SEMA5B: variants seen among roughly 807,000 people sequenced by gnomAD.
The protein encoded by SEMA5B is semaphorin 5B, also known as semaphorin-5B.
A neutral mutation model predicts 135.0 loss-of-function variants in SEMA5B; 66 were observed. That is an observed-to-expected ratio of 0.49 (90% CI 0.40 to 0.60). The LOEUF is 0.60. Ranked by LOEUF, SEMA5B falls within the 20% of genes least tolerant of loss-of-function variation. SEMA5B has a pLI of 0.00. For synonymous variants in SEMA5B, 690 were observed against 639.5 expected (o/e 1.08, Z -1.19); for missense variants, 1,501 against 1,566.3 (o/e 0.96, Z 0.70).
intron 2 of SEMA5B, among the ~76,000 whole-genome samples, chr3:122,949,436 C>T (rs199865393): frequency 6.6e-6 from 1 of 152,240 alleles, no homozygotes; most frequent in African/African-American, 2.4e-5. Flanking sequence ...TAACAGACTC[C>T]ATCTTGCTTC....
chr3:122,943,880 C>G (rs936552278), intron 3 of SEMA5B, among the ~76,000 whole-genome samples: 1 of 152,170 alleles, frequency 6.6e-6, no homozygotes, highest in Non-Finnish European at 1.5e-5. Flanking sequence ...CCTCTGAAAT[C>G]CATCCACTTT....
chr3:122,964,835 A>G (rs558564308), intron 1 of SEMA5B, among the ~76,000 whole-genome samples: 1 of 152,372 alleles, frequency 6.6e-6, no homozygotes, highest in African/African-American at 2.4e-5. Flanking sequence ...TCAGGGTGAC[A>G]GAGCCATTAA....
At position 122,951,890 on chromosome 3, in the gene SEMA5B, T is replaced by C. The variant is rs566072745; in HGVS notation, c.125-3181A>G. On this transcript the variant is annotated intron_variant, in intron 2 of 22. Transcript: ENST00000357599. ...CTACCTTACTCCAGGTCTGGAAAAT[T>C]ACAGTAGGATTACTTTTTTCCTGCC... Among the ~76,000 whole-genome samples, 3 of 152,298 alleles carry C rather than the reference T, an allele frequency of 2.0e-5. No homozygotes were observed. In the East Asian group the frequency reaches 5.8e-4, roughly 29 times the overall value.
intron 1 of SEMA5B, among the ~76,000 whole-genome samples, chr3:122,999,290 G>A (rs75417437): frequency 0.066 from 10,017 of 152,058 alleles, 401 homozygotes; most frequent in East Asian, 0.16. Context: ...GCAGTGGTGC[G>A]ATCTCAGCTC....
At chr3:122,963,176 C>G (rs1331719880) in intron 1 of SEMA5B, among the ~76,000 whole-genome samples, 1 of 152,192 alleles carries the variant, frequency 6.6e-6, no homozygotes. Flanking sequence ...ACAGACCAAG[C>G]CTTTCCCTCT....
chr3:123,017,108 C>G (rs1942581260), intron 1 of SEMA5B, among the ~76,000 whole-genome samples: 1 of 151,724 alleles, frequency 6.6e-6, no homozygotes, highest in Non-Finnish European at 1.5e-5. Flanking sequence ...CCAGGATGGT[C>G]TTGATATCCT....
In SEMA5B at chr3:122,911,044, C is replaced by A; in HGVS notation, c.3093G>T (p.Gly1031=). 6.2e-7 allele frequency: 1 copy of A among 1,610,384 alleles called. No homozygotes were observed. Among genetic ancestry groups the A allele is most frequent in the Non-Finnish European group, 8.5e-7 (1 of 1,177,504 alleles). ...TGGCCACCAAGTGGATGAGATTGAA[C>A]CCTAGGGGAAGAGAGGCAGGTAGTA... ...SSMEEATDCA[G]FNLIHLVATG... is the part of the protein sequence containing the mutation. The change falls in exon 22 of 23, where the codon GGG becomes GGT. Residue 1031 remains glycine (G), a splice_region_variant and synonymous_variant. Coordinates refer to ENST00000357599, the MANE Select transcript of SEMA5B (RefSeq NM_001031702.4).
At position 122,963,446 on chromosome 3, in the gene SEMA5B, T is replaced by C. The variant is rs925027671; in HGVS notation, c.-38-2145A>G. ...AGGCGGAGGTTGTAGTGAGCCAAGA[T>C]TGTGCCATTGCACTCCAGCCTGGAA... On this transcript the variant is annotated intron_variant, in intron 1 of 22. Coordinates refer to ENST00000357599, the MANE Select transcript of SEMA5B (RefSeq NM_001031702.4). 4.6e-5 allele frequency among the ~76,000 whole-genome samples: 7 copies of C among 150,790 alleles called. No homozygotes were observed. In the South Asian group the frequency reaches 6.3e-4, roughly 13 times the overall value.
In SEMA5B at chr3:122,975,982, T is replaced by G. The variant is rs895077; in HGVS notation, c.-38-14681A>C. ...ACATCCCAAATCTAGAAACTCTTCA[T>G]GTCATGCACTTGCCCACCTCGATCC... On this transcript the variant is annotated intron_variant, in intron 1 of 22. Transcript: ENST00000357599. 5,921 of 1,534,684 alleles carry G rather than the reference T, an allele frequency of 3.9e-3. 191 individuals carry two copies. In the African/African-American group the frequency reaches 0.07, roughly 18 times the overall value.
At chr3:122,911,882 G>T in intron 20 of SEMA5B, 38 bp downstream of exon 20, 1 of 1,562,874 alleles carries the variant, frequency 6.4e-7, no homozygotes, top group Non-Finnish European at 8.7e-7. Flanking sequence ...GTGCAGGCTG[G>T]GAAGGGTTGC....
intron 1 of SEMA5B, among the ~76,000 whole-genome samples, chr3:122,962,516 C>T (rs981555516): frequency 6.6e-6 from 1 of 152,160 alleles, no homozygotes. Flanking sequence ...GGGGAGATTG[C>T]GGGAAGAACT....
intron 1 of SEMA5B, among the ~76,000 whole-genome samples, chr3:123,000,094 G>T (rs1372778701): frequency 2.4e-4 from 36 of 152,292 alleles, no homozygotes; most frequent in Non-Finnish European, 2.9e-5. Flanking sequence ...TGTAGTCCCA[G>T]CTACTCAGGA....
intron 2 of SEMA5B, among the ~76,000 whole-genome samples, chr3:122,957,829 C>T (rs529446651): frequency 1.3e-5 from 2 of 152,364 alleles, no homozygotes; most frequent in South Asian, 4.1e-4. Flanking sequence ...CACTCACCAT[C>T]CTCCCTGGAG....
At chr3:122,914,105 G>C in intron 14 of SEMA5B, 104 bp from the exon 15 acceptor site, 1 of 1,262,662 alleles carries the variant, frequency 7.9e-7, no homozygotes, top group Non-Finnish European at 1.1e-6. Context: ...GTCAGAAAGG[G>C]CTGGACAGTG....
rs59995267 is a variant in SEMA5B at position 122,960,066 on chromosome 3, A to G, written c.124+1074T>C. 2.0e-3 allele frequency among the ~76,000 whole-genome samples: 310 copies of G among 152,298 alleles called. 2 individuals are homozygous for G. The highest frequency in any genetic ancestry group is 7.0e-3 in the African/African-American group (292 of 41,552). The stretch of plus-strand genomic sequence containing the variant: ...GGAAACATTTCACTATCAGATATTC[A>G]GTTGCTGCATAAAATGAAAACTGCA... On this transcript the variant is annotated intron_variant, in intron 2 of 22. Coordinates refer to ENST00000357599, the MANE Select transcript of SEMA5B (RefSeq NM_001031702.4).
Position 122,915,672 on chromosome 3 carries a change from G to A in SEMA5B, c.1807-51C>T, listed in dbSNP as rs773261328. On this transcript the variant is annotated intron_variant, in intron 13 of 22. Transcript: ENST00000357599. Reference sequence around the variant, plus strand: ...CCCCTATTACCCAAGCCAAGGGCAGGGAAGTCATAAGATCTCAGGGGATTG... The same window carrying A: ...CCCCTATTACCCAAGCCAAGGGCAGAGAAGTCATAAGATCTCAGGGGATTG... The A allele has an allele frequency of 4.4e-6, 7 of 1,600,848 alleles. No individual in the cohort carries two copies. In the South Asian group the frequency reaches 4.4e-5, roughly 10 times the overall value.
intron 1 of SEMA5B, among the ~76,000 whole-genome samples, chr3:123,020,367 A>T (rs1654688338): frequency 6.6e-6 from 1 of 152,262 alleles, no homozygotes; most frequent in Non-Finnish European, 1.5e-5. Context: ...ATACCTATCT[A>T]GACGAAACAT....
chr3:122,965,863 G>A (rs1940794657), intron 1 of SEMA5B, among the ~76,000 whole-genome samples: 1 of 152,244 alleles, frequency 6.6e-6, no homozygotes, highest in African/African-American at 2.4e-5. Flanking sequence ...CTGGAAAGCA[G>A]ATAGTAGAGT....
chr3:122,997,521 C>CCCCCA (rs1560427227), intron 1 of SEMA5B, among the ~76,000 whole-genome samples: 2 of 151,766 alleles, frequency 1.3e-5, no homozygotes, highest in East Asian at 1.9e-4. Context: ...AGGCCTCTCC[C>CCCCCA]CCCCCCGTCT....
Sources: allele counts gnomAD v4.1 joint callset (sites outside exome capture counted in the v4.1 genomes callset), GRCh38; gene constraint gnomAD v4.1.1; transcripts MANE v1.5; gene names NCBI Gene and HGNC (gene_info 2026-07-23, HGNC 2026-07-21).